Variants in CYSLTR2 observed in about 807,000 individuals in gnomAD.
CYSLTR2 encodes G-protein coupled receptor GPCR21.
For missense variants in CYSLTR2, 398 were observed against 411.9 expected (o/e 0.97, Z 0.29); for synonymous variants, 179 against 160.8 (o/e 1.11, Z -0.86).
intron 1 of CYSLTR2, among the ~76,000 whole-genome samples, chr13:48,689,613 T>TA (rs199607736): frequency 4.7e-5 from 5 of 106,882 alleles, no homozygotes; most frequent in African/African-American, 1.6e-4. Flanking sequence ...TTGGTCTATA[T>TA]ATCTGTTTTT....
intron 1 of CYSLTR2, among the ~76,000 whole-genome samples, chr13:48,656,828 T>C (rs541373864): frequency 6.6e-6 from 1 of 152,332 alleles, no homozygotes; most frequent in African/African-American, 2.4e-5. Context: ...AATTACCCAA[T>C]GAACTCTGGC....
intron 1 of CYSLTR2, among the ~76,000 whole-genome samples, chr13:48,681,376 G>C (rs970956148): frequency 1.3e-5 from 2 of 152,240 alleles, no homozygotes; most frequent in Middle Eastern, 3.4e-3. Flanking sequence ...TGCGCTCAAG[G>C]CTTTGTCTAA....
At chr13:48,688,569 C>A (rs554306042) in intron 1 of CYSLTR2, among the ~76,000 whole-genome samples, 1 of 152,306 alleles carries the variant, frequency 6.6e-6, no homozygotes. Context: ...CATCCACATC[C>A]CTGCAAATGT....
rs1317196390 is a variant in CYSLTR2, at chr13:48,709,461, A to G, written c.*1603A>G. 1 of 163,622 alleles carries G rather than the reference A, an allele frequency of 6.1e-6. No homozygotes were observed. The highest frequency in any genetic ancestry group is 6.5e-5 in the Admixed American group (1 of 15,280). 10.1% of individuals were successfully genotyped at this position (163,622 alleles called of 1,614,324 possible). A position where few individuals can be genotyped will look rare whatever the true frequency, so the allele number is the denominator to read the frequency against. ...ACCCTGGAGGATCCTCCTATGGGGA[A>G]ACTGCATAATCTGAAAAAAAGGCTG... On this transcript the variant is annotated 3_prime_UTR_variant, in exon 5 of 5. Coordinates refer to ENST00000682523, the MANE Select transcript of CYSLTR2 (RefSeq NM_001308476.3).
At position 48,677,798 on chromosome 13, in the gene CYSLTR2, G is replaced by C. The variant is rs114695733; in HGVS notation, c.-265-13414G>C. Among the ~76,000 whole-genome samples, 400 of 151,612 alleles carry C rather than the reference G, an allele frequency of 2.6e-3. 1 individual carries two copies. Among genetic ancestry groups the C allele is most frequent in the African/African-American group, 9.5e-3 (391 of 41,274 alleles). ...TGCTGCTTTTCTTTTTTTATTATTA[G>C]CTTCCTGCCTTCAGCTTTCTACACC... On this transcript the variant is annotated intron_variant, in intron 1 of 4. Transcript: ENST00000682523.
At chr13:48,680,330 AT>A (rs1475629416) in intron 1 of CYSLTR2, among the ~76,000 whole-genome samples, 2 of 152,124 alleles carry the variant, frequency 1.3e-5, no homozygotes, top group Non-Finnish European at 2.9e-5. Context: ...CAAAAGATGT[AT>A]TTTTCTAAGT....
intron 1 of CYSLTR2, among the ~76,000 whole-genome samples, chr13:48,680,561 T>C (rs1482892616): frequency 6.6e-6 from 1 of 152,188 alleles, no homozygotes; most frequent in African/African-American, 2.4e-5. Context: ...CTGCAGGAGA[T>C]GAAGTCTTCA....
intron 1 of CYSLTR2, among the ~76,000 whole-genome samples, chr13:48,662,666 T>A (rs1385694192): frequency 6.6e-6 from 1 of 152,188 alleles, no homozygotes; most frequent in African/African-American, 2.4e-5. Flanking sequence ...CTTTGTGAAA[T>A]GTCTGTTTAA....
chr13:48,678,922 T>A (rs1180649598), intron 1 of CYSLTR2, among the ~76,000 whole-genome samples: 1 of 152,144 alleles, frequency 6.6e-6, no homozygotes, highest in African/African-American at 2.4e-5. Context: ...CTCTCTGTAC[T>A]TGGGCTTGCC....
chr13:48,702,970 A>G (rs537541141), intron 4 of CYSLTR2, among the ~76,000 whole-genome samples: 4 of 152,208 alleles, frequency 2.6e-5, no homozygotes, highest in African/African-American at 7.2e-5. Flanking sequence ...TTCACCAATA[A>G]TTTGTAGTTT....
At position 48,675,985 on chromosome 13, in the gene CYSLTR2, C is replaced by G. The variant is rs143789002; in HGVS notation, c.-265-15227C>G. 8.7e-3 allele frequency among the ~76,000 whole-genome samples: 1,332 copies of G among 152,316 alleles called. 20 individuals are homozygous for G. Among genetic ancestry groups the G allele is most frequent in the African/African-American group, 0.03 (1,235 of 41,564 alleles). ...ACCCCCCATGGGCTGTGCCCACTGT[C>G]TAACCAGTCCCAATGAGATGAGCTG... On this transcript the variant is annotated intron_variant, in intron 1 of 4. Transcript: ENST00000682523.
intron 4 of CYSLTR2, among the ~76,000 whole-genome samples, chr13:48,702,772 C>G (rs1477383493): frequency 6.6e-6 from 1 of 152,096 alleles, no homozygotes; most frequent in Non-Finnish European, 1.5e-5. Context: ...TTTTGCTGTT[C>G]TAGTTCCTCT....
intron 1 of CYSLTR2, among the ~76,000 whole-genome samples, chr13:48,661,140 C>G (rs1953117838): frequency 6.6e-6 from 1 of 151,206 alleles, no homozygotes; most frequent in African/African-American, 2.4e-5. Context: ...TTTATTGAGA[C>G]AGTGTCTTGC....
chr13:48,667,537 G>A (rs190783235), intron 1 of CYSLTR2, among the ~76,000 whole-genome samples: 134 of 152,218 alleles, frequency 8.8e-4, no homozygotes, highest in African/African-American at 3.2e-3. Context: ...GGCTTGCCTG[G>A]GGACATGCCT....
Position 48,669,214 on chromosome 13 carries a change from T to A in CYSLTR2, c.-266+15197T>A, listed in dbSNP as rs140537424. 4.9e-3 allele frequency among the ~76,000 whole-genome samples: 742 copies of A among 152,210 alleles called. 3 individuals are homozygous for A. Among genetic ancestry groups the A allele is most frequent in the Middle Eastern group, 0.014 (4 of 294 alleles). ...TCTTCCACAATGGTTAAACTAATTT[T>A]CACTCCCACCAACAGTGTAAGAGCA... is the stretch of plus-strand genomic sequence containing the variant. On this transcript the variant is annotated intron_variant, in intron 1 of 4. Coordinates refer to ENST00000682523, the MANE Select transcript of CYSLTR2 (RefSeq NM_001308476.3).
chr13:48,678,970 C>G lies in CYSLTR2; in HGVS notation c.-265-12242C>G, dbSNP rs562341641. Among the ~76,000 whole-genome samples the G allele has an allele frequency of 5.3e-5, 8 of 152,260 alleles. No individual in the cohort carries two copies. The East Asian group carries it at 1.5e-3, about 29-fold the overall frequency. On this transcript the variant is annotated intron_variant, in intron 1 of 4. Transcript: ENST00000682523. ...TCCTCATCTGCTGCCAGTGTCACCT[C>G]TCTAAAATGCAGATCTGCTCTCCAC...
At chr13:48,673,063 G>A (rs1045313580) in intron 1 of CYSLTR2, among the ~76,000 whole-genome samples, 2 of 152,196 alleles carry the variant, frequency 1.3e-5, no homozygotes, top group Non-Finnish European at 2.9e-5. Flanking sequence ...ATGTGGTGCT[G>A]AGAAGAATGT....
At chr13:48,671,594 TG>T (rs1953432707) in intron 1 of CYSLTR2, among the ~76,000 whole-genome samples, 1 of 152,224 alleles carries the variant, frequency 6.6e-6, no homozygotes, top group Non-Finnish European at 1.5e-5. Flanking sequence ...GATTTGCGTA[TG>T]TTGAACCAGC....
At chr13:48,677,597 G>A (rs535572563) in intron 1 of CYSLTR2, among the ~76,000 whole-genome samples, 1 of 152,186 alleles carries the variant, frequency 6.6e-6, no homozygotes, top group East Asian at 1.9e-4. Context: ...GAGATGAACC[G>A]AGGAAGAAAC....
Sources: gnomAD v4.1 joint callset for allele counts (sites outside exome capture counted in the v4.1 genomes callset) on GRCh38, gnomAD v4.1.1 for gene constraint, MANE v1.5 for transcripts, NCBI Gene and HGNC (gene_info 2026-07-23, HGNC 2026-07-21) for gene names.